The following GLG1 variants were observed in gnomAD, a reference collection of about 807,000 sequenced individuals.
The protein encoded by GLG1 is golgi glycoprotein 1.
In GLG1, 38 loss-of-function variants were observed where a neutral mutation model predicts 160.5. The observed-to-expected ratio is 0.24, with a 90% CI of 0.18 to 0.31. The LOEUF (loss-of-function observed/expected upper bound fraction) is 0.31, where lower values mean the gene tolerates loss of function less well. Among genes scored for constraint, GLG1 ranks in the 10% least tolerant of loss-of-function variants. The pLI, the probability that GLG1 is intolerant of heterozygous loss-of-function variation, is 1.00. For synonymous variants in GLG1, 644 were observed against 543.4 expected (o/e 1.19, Z -2.57); for missense variants, 1,373 against 1,505.2 (o/e 0.91, Z 1.45).
chr16:74,571,998 G>C (rs1226657543), intron 1 of GLG1, among the ~76,000 whole-genome samples: 1 of 152,132 alleles, frequency 6.6e-6, no homozygotes, highest in Non-Finnish European at 1.5e-5. Context: ...AGAGATAACT[G>C]TCTTTTGCAT....
At chr16:74,533,861 T>C (rs1259424396) in intron 1 of GLG1, among the ~76,000 whole-genome samples, 1 of 152,206 alleles carries the variant, frequency 6.6e-6, no homozygotes, top group African/African-American at 2.4e-5. Context: ...GCCTATAACT[T>C]AAATATTATC....
At chr16:74,505,515 T>C (rs1353195167) in intron 3 of GLG1, among the ~76,000 whole-genome samples, 1 of 152,062 alleles carries the variant, frequency 6.6e-6, no homozygotes, top group African/African-American at 2.4e-5. Flanking sequence ...AAGTTAGGAG[T>C]TTGAGACCAG....
intron 1 of GLG1, among the ~76,000 whole-genome samples, chr16:74,588,447 T>C (rs1162531090): frequency 6.6e-6 from 1 of 152,156 alleles, no homozygotes; most frequent in Non-Finnish European, 1.5e-5. Flanking sequence ...TTCTTTTTTT[T>C]TGAGACAGGG....
rs767297587 is a variant in GLG1 at position 74,508,852 on chromosome 16, G to A, written c.545C>T (p.Ser182Phe). The change falls in exon 3 of 26, where the codon TCT becomes TTT. Residue 182 changes from serine to phenylalanine, a missense_variant. Transcript: ENST00000422840. ...TTGACAACTTACCTCTGTTATAGTAGATTTGCAAACCTCTCTGGCCACAGA... is the reference window on the plus strand; with the variant it reads ...TTGACAACTTACCTCTGTTATAGTAAATTTGCAAACCTCTCTGGCCACAGA... ...FESVAREVCK[S>F]TITEIKECAD... 6.8e-7 allele frequency: 1 copy of A among 1,480,952 alleles called. No individual in the cohort carries two copies. The highest frequency in any genetic ancestry group is 1.7e-5 in the Admixed American group (1 of 59,746). The allele number at this position is 1,480,952 out of a possible 1,614,324, so 91.7% of individuals were successfully genotyped here. A position where few individuals can be genotyped will look rare whatever the true frequency, so the allele number is the denominator to read the frequency against.
At chr16:74,573,928 G>A (rs1437499640) in intron 1 of GLG1, among the ~76,000 whole-genome samples, 1 of 151,804 alleles carries the variant, frequency 6.6e-6, no homozygotes, top group Non-Finnish European at 1.5e-5. Context: ...CAAGTAGCTG[G>A]GATTACAGGC....
chr16:74,493,185 T>C (rs2016066060), intron 6 of GLG1, 45 bp from the exon 7 acceptor site: 1 of 1,383,742 alleles, frequency 7.2e-7, no homozygotes, highest in South Asian at 1.3e-5. Context: ...CTCATGTAAC[T>C]TTACTGTTGA....
intron 8 of GLG1, among the ~76,000 whole-genome samples, chr16:74,489,716 A>G (rs1462985844): frequency 6.6e-6 from 1 of 152,212 alleles, no homozygotes; most frequent in Non-Finnish European, 1.5e-5. Flanking sequence ...GGTATTTTAA[A>G]GAAGTTACAT....
At chr16:74,565,733 C>G (rs898841122) in intron 1 of GLG1, among the ~76,000 whole-genome samples, 1 of 152,176 alleles carries the variant, frequency 6.6e-6, no homozygotes, top group African/African-American at 2.4e-5. Context: ...CTGCCTGATT[C>G]GCAAATTATT....
chr16:74,533,250 G>A (rs1185147278), intron 1 of GLG1, among the ~76,000 whole-genome samples: 1 of 151,982 alleles, frequency 6.6e-6, no homozygotes, highest in Non-Finnish European at 1.5e-5. Flanking sequence ...GAACCCGGGA[G>A]GCGGAGCTTG....
At chr16:74,588,256 G>A (rs547569923) in intron 1 of GLG1, among the ~76,000 whole-genome samples, 2 of 152,182 alleles carry the variant, frequency 1.3e-5, no homozygotes, top group Non-Finnish European at 2.9e-5. Flanking sequence ...TTTGTTGATG[G>A]ATTTAAATAA....
intron 7 of GLG1, 74 bp downstream of exon 7, chr16:74,492,883 A>C: frequency 1.3e-6 from 1 of 773,192 alleles, no homozygotes; most frequent in Non-Finnish European, 1.9e-6. Context: ...ACTAACGTTT[A>C]TATATATAAA....
chr16:74,561,836 C>T (rs531303466), intron 1 of GLG1, among the ~76,000 whole-genome samples: 147 of 152,318 alleles, frequency 9.7e-4, no homozygotes, highest in Non-Finnish European at 1.7e-3. Flanking sequence ...AAGCTCTGCA[C>T]TCCATGACTC....
At position 74,563,708 on chromosome 16, in the gene GLG1, C is replaced by A. The variant is rs190732544; in HGVS notation, c.439-31555G>T. Among the ~76,000 whole-genome samples, 1,081 of 138,068 alleles carry A rather than the reference C, an allele frequency of 7.8e-3. 5 individuals are homozygous for A. The highest frequency in any genetic ancestry group is 0.012 in the Non-Finnish European group (776 of 65,642). 90.6% of individuals were successfully genotyped at this position (138,068 alleles called of 152,430 possible). On this transcript the variant is annotated intron_variant, in intron 1 of 25. Transcript: ENST00000422840. ...CGCCACTATTCTCCAGCCTGCGCAACAGAGTGAGACCCTGTCTCAAAAAAA... is the reference window on the plus strand; with the variant it reads ...CGCCACTATTCTCCAGCCTGCGCAAAAGAGTGAGACCCTGTCTCAAAAAAA...
chr16:74,563,652 A>T (rs2018568886), intron 1 of GLG1, among the ~76,000 whole-genome samples: 2 of 147,214 alleles, frequency 1.4e-5, no homozygotes. Flanking sequence ...GCTTGAACCC[A>T]GGAGGCAGAG....
intron 2 of GLG1, among the ~76,000 whole-genome samples, chr16:74,522,494 T>G (rs1022432418): frequency 6.6e-6 from 1 of 152,228 alleles, no homozygotes; most frequent in African/African-American, 2.4e-5. Context: ...TCATTGTTTT[T>G]AGTTCATTCA....
rs139508660 is a variant in GLG1, at chr16:74,592,428, G to A, written c.438+14229C>T. 1.7e-3 allele frequency among the ~76,000 whole-genome samples: 262 copies of A among 152,188 alleles called. 1 individual carries two copies. The highest frequency in any genetic ancestry group is 0.015 in the South Asian group (73 of 4,820). ...CCAAGTGCTGAGAGCCACTGCACCC[G>A]GACTGTTTATATAAATGTTCTTGAC... is the stretch of plus-strand genomic sequence containing the variant. On this transcript the variant is annotated intron_variant, in intron 1 of 25. Coordinates refer to ENST00000422840, the MANE Select transcript of GLG1 (RefSeq NM_001145667.2).
chr16:74,599,147 G>C (rs1958378254), intron 1 of GLG1, among the ~76,000 whole-genome samples: 1 of 152,120 alleles, frequency 6.6e-6, no homozygotes, highest in African/African-American at 2.4e-5. Flanking sequence ...CTACTTTACA[G>C]GTAATTCTCA....
rs1190599756 is a variant in GLG1, at chr16:74,541,347, C to T, written c.439-9194G>A. On this transcript the variant is annotated intron_variant, in intron 1 of 25. Transcript: ENST00000422840. ...TCCAAAAAAAAAAAAAAAAAAAAGT[C>T]TAAAATCAGCTACTCATGGTATTTT... Among the ~76,000 whole-genome samples the T allele has an allele frequency of 2.5e-4, 34 of 137,822 alleles. No homozygotes were observed. In the East Asian group the frequency reaches 7.0e-3, roughly 29 times the overall value. The allele number at this position is 137,822 out of a possible 152,430, so 90.4% of individuals were successfully genotyped here.
At chr16:74,455,221 G>A (rs1954368066) in intron 25 of GLG1, among the ~76,000 whole-genome samples, 3 of 152,158 alleles carry the variant, frequency 2.0e-5, no homozygotes, top group South Asian at 2.1e-4. Context: ...AGGGTCCCCA[G>A]GTGCACATGT....
Sources: allele counts gnomAD v4.1 joint callset (sites outside exome capture counted in the v4.1 genomes callset), GRCh38; gene constraint gnomAD v4.1.1; transcripts MANE v1.5; gene names NCBI Gene and HGNC (gene_info 2026-07-23, HGNC 2026-07-21).